Variants in DACH1 observed in about 807,000 individuals in gnomAD.
DACH1 encodes dachshund family transcription factor 1.
In DACH1, 12 loss-of-function variants were observed where a neutral mutation model predicts 54.2. The observed-to-expected ratio is 0.22, with a 90% CI of 0.14 to 0.36. The LOEUF is 0.36. DACH1 is among the 10% of genes least tolerant of loss of function. The probability of loss-of-function intolerance (pLI) is 1.00; values close to 1 mark genes in which losing one functional copy is unlikely to be tolerated. For missense variants in DACH1, 805 were observed against 929.8 expected, an observed-to-expected ratio of 0.87 and a Z score of 1.75; for synonymous variants, 386 against 366.2, an observed-to-expected ratio of 1.05 and a Z score of -0.62.
intron 3 of DACH1, among the ~76,000 whole-genome samples, chr13:71,594,212 T>A (rs181527723): frequency 6.6e-6 from 1 of 151,804 alleles, no homozygotes; most frequent in African/African-American, 2.4e-5. Flanking sequence ...TCTGTAAATA[T>A]ATTACAAAGG....
chr13:71,442,738 T>C (rs1305615051), intron 10 of DACH1, among the ~76,000 whole-genome samples: 2 of 152,064 alleles, frequency 1.3e-5, no homozygotes, highest in East Asian at 3.9e-4. Flanking sequence ...ATTTATAAAT[T>C]AGGCACAGTA....
chr13:71,561,424 A>C (rs1286709447), intron 4 of DACH1, among the ~76,000 whole-genome samples: 1 of 152,150 alleles, frequency 6.6e-6, no homozygotes, highest in Non-Finnish European at 1.5e-5. Flanking sequence ...TTACAAGTAG[A>C]TGTGAAGATA....
At chr13:71,654,243 A>G (rs1386728249) in intron 2 of DACH1, among the ~76,000 whole-genome samples, 1 of 151,388 alleles carries the variant, frequency 6.6e-6, no homozygotes, top group Non-Finnish European at 1.5e-5. Context: ...TACAAAAATA[A>G]GCCGGGTGTG....
chr13:71,649,100 A>T (rs1357431779), intron 2 of DACH1, among the ~76,000 whole-genome samples: 1 of 152,100 alleles, frequency 6.6e-6, no homozygotes, highest in East Asian at 1.9e-4. Context: ...GTCCCATAAG[A>T]TTGTAATATT....
chr13:71,536,005 C>A (rs1290334026), intron 6 of DACH1, among the ~76,000 whole-genome samples: 1 of 151,768 alleles, frequency 6.6e-6, no homozygotes. Context: ...ATGATTAATT[C>A]TCATATTTGT....
At chr13:71,535,535 T>C (rs960771561) in intron 6 of DACH1, among the ~76,000 whole-genome samples, 2 of 151,966 alleles carry the variant, frequency 1.3e-5, no homozygotes, top group East Asian at 1.9e-4. Context: ...TTAACAAATA[T>C]GGTAAATTCC....
At chr13:71,723,246 TAA>T (rs112775403) in intron 1 of DACH1, among the ~76,000 whole-genome samples, 340 of 133,450 alleles carry the variant, frequency 2.5e-3, no homozygotes, top group African/African-American at 7.4e-3. Flanking sequence ...CTACACAAAT[TAA>T]AAAAAAAAAA....
At chr13:71,685,015 C>T (rs1264583442) in intron 1 of DACH1, among the ~76,000 whole-genome samples, 1 of 152,048 alleles carries the variant, frequency 6.6e-6, no homozygotes, top group African/African-American at 2.4e-5. Context: ...TGGGAAAGAA[C>T]AAGGAAGTTA....
intron 1 of DACH1, among the ~76,000 whole-genome samples, chr13:71,775,089 AG>A (rs1281813729): frequency 7.4e-6 from 1 of 135,858 alleles, no homozygotes; most frequent in Non-Finnish European, 1.5e-5. Flanking sequence ...GTTCGAGACC[AG>A]CCTGGGCAAC....
chr13:71,770,181 C>A (rs1159290649), intron 1 of DACH1, among the ~76,000 whole-genome samples: 1 of 151,650 alleles, frequency 6.6e-6, no homozygotes, highest in Non-Finnish European at 1.5e-5. Context: ...GGCAGATATG[C>A]ACTTTCATTA....
At chr13:71,779,226 C>T (rs1411897266) in intron 1 of DACH1, among the ~76,000 whole-genome samples, 55 of 86,958 alleles carry the variant, frequency 6.3e-4, no homozygotes, top group Non-Finnish European at 2.3e-4. Context: ...TACGTATATA[C>T]GTATATATAC....
intron 1 of DACH1, among the ~76,000 whole-genome samples, chr13:71,854,162 T>C (rs1873849863): frequency 6.6e-6 from 1 of 152,162 alleles, no homozygotes; most frequent in Non-Finnish European, 1.5e-5. Context: ...TTAAATACAA[T>C]TGTATTATAT....
intron 1 of DACH1, among the ~76,000 whole-genome samples, chr13:71,731,266 T>TCTTTTC (rs1399995283): frequency 6.6e-6 from 1 of 151,632 alleles, no homozygotes; most frequent in Non-Finnish European, 1.5e-5. Context: ...ACTTAACTTC[T>TCTTTTC]CTTTTCCTTG....
At chr13:71,538,789 G>C (rs375471410) in intron 6 of DACH1, among the ~76,000 whole-genome samples, 2 of 152,142 alleles carry the variant, frequency 1.3e-5, no homozygotes, top group Non-Finnish European at 2.9e-5. Flanking sequence ...CGGAGCTCTA[G>C]ATTTTATTTA....
At chr13:71,596,204 G>A (rs867937110) in intron 3 of DACH1, among the ~76,000 whole-genome samples, 2 of 152,016 alleles carry the variant, frequency 1.3e-5, no homozygotes. Context: ...TGGAAATAGT[G>A]TATCTTGAAA....
rs545443454 is a variant in DACH1 at position 71,521,970 on chromosome 13, C to T, written c.1571-32822G>A. On this transcript the variant is annotated intron_variant, in intron 6 of 10. Coordinates refer to ENST00000613252, the MANE Select transcript of DACH1 (RefSeq NM_080759.6). Reference sequence around the variant, plus strand: ...CACTTCAAAAGTCATTGTTGTGGAACTATTTATAGCACAATGGAATTTGTC... The same window carrying T: ...CACTTCAAAAGTCATTGTTGTGGAATTATTTATAGCACAATGGAATTTGTC... Among the ~76,000 whole-genome samples, 7 of 152,190 alleles carry T rather than the reference C, an allele frequency of 4.6e-5. No homozygotes were observed. In the South Asian group the frequency reaches 1.2e-3, roughly 27 times the overall value.
chr13:71,856,009 A>G (rs1213502383), intron 1 of DACH1, among the ~76,000 whole-genome samples: 1 of 152,000 alleles, frequency 6.6e-6, no homozygotes, highest in Non-Finnish European at 1.5e-5. Flanking sequence ...TTTTAATAGC[A>G]TGAGAAAACT....
At chr13:71,482,743 T>C (rs1878144471) in intron 7 of DACH1, among the ~76,000 whole-genome samples, 1 of 152,048 alleles carries the variant, frequency 6.6e-6, no homozygotes, top group Non-Finnish European at 1.5e-5. Context: ...TCAGGAACTT[T>C]TGTAGACCAA....
intron 1 of DACH1, among the ~76,000 whole-genome samples, chr13:71,764,796 C>T (rs569329848): frequency 6.6e-6 from 1 of 152,288 alleles, no homozygotes; most frequent in East Asian, 1.9e-4. Flanking sequence ...ATTAGGAGAA[C>T]TCTTCTGCAG....
Sources: gnomAD v4.1 joint callset for allele counts (sites outside exome capture counted in the v4.1 genomes callset) on GRCh38, gnomAD v4.1.1 for gene constraint, MANE v1.5 for transcripts, NCBI Gene and HGNC (gene_info 2026-07-23, HGNC 2026-07-21) for gene names.